The following VIRMA variants were observed in gnomAD, a reference collection of about 807,000 sequenced individuals.
The protein encoded by VIRMA is protein virilizer homolog.
In VIRMA, 65 loss-of-function variants were observed where a neutral mutation model predicts 182.4. That is an observed-to-expected ratio of 0.36 (90% CI 0.29 to 0.44). The LOEUF (loss-of-function observed/expected upper bound fraction) is 0.44. Among genes scored for constraint, VIRMA ranks in the 20% least tolerant of loss-of-function variants. The pLI is 1.00. For synonymous variants in VIRMA, 709 were observed against 743.1 expected, an observed-to-expected ratio of 0.95 and a Z score of 0.75; for missense variants, 1,752 against 2,158.1, an observed-to-expected ratio of 0.81 and a Z score of 3.73.
intron 16 of VIRMA, among the ~76,000 whole-genome samples, chr8:94,499,732 A>G (rs1261607651): frequency 6.6e-6 from 1 of 152,122 alleles, no homozygotes; most frequent in Non-Finnish European, 1.5e-5. Flanking sequence ...AAATTCCCCC[A>G]AATAATCATT....
intron 5 of VIRMA, 115 bp downstream of exon 5, chr8:94,534,708 CCCCTCTCTTCCTCTCT>C (rs1350502562): frequency 1.9e-5 from 20 of 1,032,740 alleles, no homozygotes; most frequent in Non-Finnish European, 2.8e-5. Flanking sequence ...TCCCTCTCTC[CCCCTCTCTTCCTCTCT>C]CCCTCTCAAG....
chr8:94,541,144 AAC>A (rs1815539778), intron 2 of VIRMA, among the ~76,000 whole-genome samples: 1 of 151,232 alleles, frequency 6.6e-6, no homozygotes, highest in African/African-American at 2.4e-5. Context: ...TTTTTTTTGA[AAC>A]AGTCTTGCTT....
At chr8:94,528,980 T>A in intron 7 of VIRMA, 90 bp downstream of exon 7, 1 of 1,529,798 alleles carries the variant, frequency 6.5e-7, no homozygotes, top group Non-Finnish European at 8.8e-7. Context: ...AACCCATTTA[T>A]CTTTGCTAGA....
chr8:94,530,948 T>G lies in VIRMA; in HGVS notation c.607+15A>C. On this transcript the variant is annotated intron_variant, in intron 6 of 23. Transcript: ENST00000297591. ...TAACTAGGGGGGAAAACCTTAGCAC[T>G]GGTTTTATTTATACCTGGCAGAGGC... The G allele has an allele frequency of 6.3e-7, 1 of 1,597,330 alleles. No individual in the cohort carries two copies. Among genetic ancestry groups the G allele is most frequent in the Non-Finnish European group, 8.5e-7 (1 of 1,173,496 alleles).
In VIRMA at chr8:94,546,339, A is replaced by G. The variant is rs1046754671; in HGVS notation, c.64-2397T>C. Among the ~76,000 whole-genome samples the G allele has an allele frequency of 1.3e-4, 19 of 150,960 alleles. 4 individuals are homozygous for G. Among genetic ancestry groups the G allele is most frequent in the African/African-American group, 4.7e-4 (19 of 40,284 alleles). ...ACAAATCCAAACTGAATTCTCCTACATTAGTGATGGCATCACCATCCACAT... is the reference window on the plus strand; with the variant it reads ...ACAAATCCAAACTGAATTCTCCTACGTTAGTGATGGCATCACCATCCACAT... On this transcript the variant is annotated intron_variant, in intron 1 of 23. Transcript: ENST00000297591.
At chr8:94,494,821 AC>A (rs758768324) in intron 20 of VIRMA, 38 bp downstream of exon 20, 4 of 1,180,964 alleles carry the variant, frequency 3.4e-6, no homozygotes, top group South Asian at 2.7e-5. Flanking sequence ...AACAGAAAAA[AC>A]AATAACGTTT....
chr8:94,517,477 A>C (rs371704844), intron 10 of VIRMA, among the ~76,000 whole-genome samples: 2 of 152,234 alleles, frequency 1.3e-5, no homozygotes, highest in East Asian at 3.8e-4. Flanking sequence ...TGCTGGGATT[A>C]CAGGCATGAG....
At chr8:94,501,271 A>C (rs113470491) in intron 16 of VIRMA, among the ~76,000 whole-genome samples, 21,047 of 148,938 alleles carry the variant, frequency 0.14, 1,978 homozygotes, top group South Asian at 0.29. Context: ...AAAAAAAAAA[A>C]AAAAAACAAC....
chr8:94,510,340 T>C, intron 14 of VIRMA, 77 bp downstream of exon 14: 1 of 1,168,084 alleles, frequency 8.6e-7, no homozygotes, highest in Non-Finnish European at 1.2e-6. Context: ...CAAACCCTAG[T>C]TTCCAAATTG....
At position 94,489,933 on chromosome 8, in the gene VIRMA, G is replaced by A. The variant is rs1220725594; in HGVS notation, c.5284+6C>T. On this transcript the variant is annotated splice_donor_region_variant and intron_variant, in intron 23 of 23. Coordinates refer to ENST00000297591, the MANE Select transcript of VIRMA (RefSeq NM_015496.5). ...CTCAGCAATATCAAGTAGCAAGGAT[G>A]TATACCTGTAGAACTAAGGGGTCGT... 1.2e-6 allele frequency: 2 copies of A among 1,612,316 alleles called. No individual in the cohort carries two copies. Among genetic ancestry groups the A allele is most frequent in the South Asian group, 1.1e-5 (1 of 90,696 alleles).
At chr8:94,523,196 T>C (rs575199749) in intron 8 of VIRMA, among the ~76,000 whole-genome samples, 40 of 152,288 alleles carry the variant, frequency 2.6e-4, no homozygotes, top group African/African-American at 9.1e-4. Context: ...TGTACTCTTG[T>C]CCTCATCTCC....
At position 94,492,806 on chromosome 8, in the gene VIRMA, A is replaced by T. The variant is rs1471574897; in HGVS notation, c.4654T>A (p.Leu1552Ile). The change falls in exon 21 of 24, where the codon TTA becomes ATA. Residue 1552 changes from leucine (L) to isoleucine (I), a missense_variant. By Grantham distance (5) the Leu-to-Ile change is conservative (BLOSUM62 2). Coordinates refer to ENST00000297591, the MANE Select transcript of VIRMA (RefSeq NM_015496.5). ...DTDLDLVKVD[L>I]IELSEKCCSD... is the part of the protein sequence containing the mutation. ...CAGCATTTTTCAGAGAGTTCAATTA[A>T]GTCAACCTTTACCTGCAGTCATAAT... 6.2e-7 allele frequency: 1 copy of T among 1,612,814 alleles called. No homozygotes were observed. Among genetic ancestry groups the T allele is most frequent in the Non-Finnish European group, 8.5e-7 (1 of 1,179,164 alleles).
At chr8:94,546,679 T>C in intron 1 of VIRMA, 1 of 306,564 alleles carries the variant, frequency 3.3e-6, no homozygotes, top group Non-Finnish European at 6.4e-6. Context: ...GTGTGCACTG[T>C]ACCCAATATG....
chr8:94,503,276 A>G (rs997520580), intron 16 of VIRMA, among the ~76,000 whole-genome samples: 16 of 152,230 alleles, frequency 1.1e-4, no homozygotes, highest in African/African-American at 3.1e-4. Flanking sequence ...TGGGAAATTA[A>G]TAAGTTTTCA....
At chr8:94,513,268 T>C (rs1235719224) in intron 11 of VIRMA, among the ~76,000 whole-genome samples, 6 of 152,016 alleles carry the variant, frequency 3.9e-5, no homozygotes, top group African/African-American at 1.2e-4. Flanking sequence ...ATCTGGAAGA[T>C]GGAAGTTGCA....
At chr8:94,506,317 G>T (rs1164392412) in intron 16 of VIRMA, among the ~76,000 whole-genome samples, 183 bp downstream of exon 16, 4 of 152,248 alleles carry the variant, frequency 2.6e-5, no homozygotes, top group South Asian at 2.1e-4. Context: ...TAATCCAAAA[G>T]ATTCTATTAT....
At position 94,492,688 on chromosome 8, in the gene VIRMA, A is replaced by C; in HGVS notation, c.4772T>G (p.Leu1591Arg). 1 of 1,614,004 alleles carries C rather than the reference A, an allele frequency of 6.2e-7. No individual in the cohort carries two copies. Among genetic ancestry groups the C allele is most frequent in the Non-Finnish European group, 8.5e-7 (1 of 1,179,954 alleles). ...AAAGGTCTCATGCTTGTGCTTCCCAAGTTTGAATCCTTTAGTAGTCTTGGT... is the reference window on the plus strand; with the variant it reads ...AAAGGTCTCATGCTTGTGCTTCCCACGTTTGAATCCTTTAGTAGTCTTGGT... Reference protein sequence around the residue: ...GRTKTTKGFKLGKHKHETFIT... With the variant: ...GRTKTTKGFKRGKHKHETFIT... Residue 1591 changes from leucine (L) to arginine (R), a missense_variant, in exon 21 of 24, where the codon CTT becomes CGT. Around this residue, in one of 11 missense-constraint regions of VIRMA, gnomAD observed 777 missense variants for 920.6 expected, o/e 0.84. Coordinates refer to ENST00000297591, the MANE Select transcript of VIRMA (RefSeq NM_015496.5).
At chr8:94,500,161 A>G (rs1465542088) in intron 16 of VIRMA, among the ~76,000 whole-genome samples, 1 of 147,048 alleles carries the variant, frequency 6.8e-6, no homozygotes, top group African/African-American at 2.6e-5. Context: ...GCACTTTGGG[A>G]GGTCGAGGCG....
Position 94,507,638 on chromosome 8 carries a change from C to T in VIRMA, c.3880-921G>A, listed in dbSNP as rs1814205492. On this transcript the variant is annotated intron_variant, in intron 15 of 23. Coordinates refer to ENST00000297591, the MANE Select transcript of VIRMA (RefSeq NM_015496.5). The stretch of plus-strand genomic sequence containing the variant: ...AGCATGGTGGCACACACATGTAATC[C>T]CAACTACTGGGAGGCTGAGGCAGAA... 2.6e-5 allele frequency among the ~76,000 whole-genome samples: 4 copies of T among 151,866 alleles called. No homozygotes were observed. The South Asian group carries it at 8.3e-4, about 32-fold the overall frequency.
Sources: gnomAD v4.1 joint callset for allele counts (sites outside exome capture counted in the v4.1 genomes callset) on GRCh38, gnomAD v4.1.1 for gene constraint, gnomAD v4.1.1 regional missense constraint, MANE v1.5 for transcripts, NCBI Gene and HGNC (gene_info 2026-07-23, HGNC 2026-07-21) for gene names.